TMEM120B: variants seen among roughly 807,000 people sequenced by gnomAD.
The protein encoded by TMEM120B is transmembrane protein 120B.
TMEM120B carries 31 observed loss-of-function variants against 55.5 expected under a neutral mutation model. The observed-to-expected ratio is 0.56, with a 90% CI of 0.42 to 0.75. The LOEUF is 0.75. Among genes scored for constraint, TMEM120B ranks in the 30% least tolerant of loss-of-function variants. The pLI, the probability that TMEM120B is intolerant of heterozygous loss-of-function variation, is 0.00. For missense variants in TMEM120B, 399 were observed against 425.5 expected, an observed-to-expected ratio of 0.94 and a Z score of 0.55; for synonymous variants, 203 against 176.3, an observed-to-expected ratio of 1.15 and a Z score of -1.20.
intron 5 of TMEM120B, among the ~76,000 whole-genome samples, chr12:121,759,678 A>G (rs1283481534): frequency 6.6e-6 from 1 of 151,626 alleles, no homozygotes; most frequent in East Asian, 2.0e-4. Flanking sequence ...ACTCCGTGTC[A>G]AACAAACAAA....
intron 1 of TMEM120B, among the ~76,000 whole-genome samples, chr12:121,718,358 A>G (rs773295477): frequency 3.3e-5 from 5 of 152,046 alleles, no homozygotes; most frequent in Admixed American, 6.6e-5. Flanking sequence ...AAAAAACCTT[A>G]GCTGGGCATT....
chr12:121,759,136 T>TTTC, intron 5 of TMEM120B: 1 of 837,540 alleles, frequency 1.2e-6, no homozygotes, highest in Non-Finnish European at 1.4e-6. Context: ...TTTTTTTTTT[T>TTTC]CTGAGGTGGA....
At position 121,778,179 on chromosome 12, in the gene TMEM120B, A is replaced by C. The variant is rs1190926500; in HGVS notation, c.*2457A>C. 1.3e-5 allele frequency: 2 copies of C among 152,300 alleles called. No homozygotes were observed. The highest frequency in any genetic ancestry group is 2.9e-5 in the Non-Finnish European group (2 of 68,124). 9.4% of individuals were successfully genotyped at this position (152,300 alleles called of 1,614,324 possible). A position where few individuals can be genotyped will look rare whatever the true frequency, so the allele number is the denominator to read the frequency against. ...TTGTTTTAAAAGTCCTGGGCCGGGCACGGTGGCTCACGCCTGTAATCCCAG... is the reference window on the plus strand; with the variant it reads ...TTGTTTTAAAAGTCCTGGGCCGGGCCCGGTGGCTCACGCCTGTAATCCCAG... On this transcript the variant is annotated 3_prime_UTR_variant, in exon 12 of 12. Coordinates refer to ENST00000449592, the MANE Select transcript of TMEM120B (RefSeq NM_001080825.2).
chr12:121,779,518 G>A lies in TMEM120B; in HGVS notation c.*3796G>A, dbSNP rs764888399. The A allele has an allele frequency of 1.6e-5, 26 of 1,612,712 alleles. No individual in the cohort carries two copies. In the Admixed American group the frequency reaches 1.8e-4, roughly 11 times the overall value. On this transcript the variant is annotated 3_prime_UTR_variant, in exon 12 of 12. Transcript: ENST00000449592. ...CTGGGTCAGAGCAGCAGGCAGAGCCGGCGCTTCTTCTGCCGTTGCGCCTTC... is the reference window on the plus strand; with the variant it reads ...CTGGGTCAGAGCAGCAGGCAGAGCCAGCGCTTCTTCTGCCGTTGCGCCTTC...
chr12:121,771,807 T>C (rs532149974), intron 8 of TMEM120B, among the ~76,000 whole-genome samples: 1 of 152,254 alleles, frequency 6.6e-6, no homozygotes, highest in Non-Finnish European at 1.5e-5. Flanking sequence ...TGAGTAGCAT[T>C]GGGGATACCA....
chr12:121,774,583 G>T, intron 9 of TMEM120B, 75 bp from the exon 10 acceptor site: 1 of 1,444,890 alleles, frequency 6.9e-7, no homozygotes, highest in East Asian at 2.3e-5. Context: ...GGTGTGGCTG[G>T]GGGTGGGCGT....
chr12:121,773,284 GGA>G (rs1252032511), intron 8 of TMEM120B, 135 bp from the exon 9 acceptor site: 2 of 675,452 alleles, frequency 3.0e-6, no homozygotes, highest in East Asian at 6.0e-5. Flanking sequence ...TGTGGGCGTG[GGA>G]GAGGGTTGTA....
At chr12:121,761,582 T>G in intron 5 of TMEM120B, 67 bp from the exon 6 acceptor site, 1 of 1,219,836 alleles carries the variant, frequency 8.2e-7, no homozygotes, top group Non-Finnish European at 1.2e-6. Context: ...CTCTGTGAGG[T>G]GAGGGTGGGA....
At chr12:121,756,846 G>A (rs1057397132) in intron 5 of TMEM120B, among the ~76,000 whole-genome samples, 1 of 152,196 alleles carries the variant, frequency 6.6e-6, no homozygotes, top group Non-Finnish European at 1.5e-5. Context: ...GTTCAAATCT[G>A]GCTCTGCCTC....
chr12:121,721,612 C>T (rs943282390), intron 1 of TMEM120B, among the ~76,000 whole-genome samples: 1 of 151,706 alleles, frequency 6.6e-6, no homozygotes, highest in Non-Finnish European at 1.5e-5. Flanking sequence ...GCTGGGATTG[C>T]AGGCAGGCAC....
Position 121,780,917 on chromosome 12 carries a change from C to T in TMEM120B, c.*5195C>T. 1 of 1,613,966 alleles carries T rather than the reference C, an allele frequency of 6.2e-7. No individual in the cohort carries two copies. The highest frequency in any genetic ancestry group is 8.5e-7 in the Non-Finnish European group (1 of 1,179,958). ...CCAGCTGGGCGGCCCGGAGCTTCCGCAGCTGCTCCTTGTCCTTCCTCAGGT... is the reference window on the plus strand; with the variant it reads ...CCAGCTGGGCGGCCCGGAGCTTCCGTAGCTGCTCCTTGTCCTTCCTCAGGT... On this transcript the variant is annotated 3_prime_UTR_variant, in exon 12 of 12. Coordinates refer to ENST00000449592, the MANE Select transcript of TMEM120B (RefSeq NM_001080825.2).
chr12:121,768,602 T>G (rs1873922020), intron 6 of TMEM120B, among the ~76,000 whole-genome samples: 1 of 152,188 alleles, frequency 6.6e-6, no homozygotes, highest in African/African-American at 2.4e-5. Context: ...TTAATGACTG[T>G]TCCCACGAGC....
At chr12:121,756,211 A>G (rs1873470918) in intron 5 of TMEM120B, among the ~76,000 whole-genome samples, 1 of 152,146 alleles carries the variant, frequency 6.6e-6, no homozygotes, top group Non-Finnish European at 1.5e-5. Flanking sequence ...AAGACTCTTG[A>G]GATGGGCCGG....
intron 1 of TMEM120B, among the ~76,000 whole-genome samples, chr12:121,730,858 T>G (rs1894988615): frequency 6.6e-6 from 1 of 151,186 alleles, no homozygotes; most frequent in African/African-American, 2.4e-5. Flanking sequence ...CTCGGGAGGC[T>G]GAGGCAGGAG....
chr12:121,770,786 T>TA (rs1402188665), intron 6 of TMEM120B, 121 bp from the exon 7 acceptor site: 1 of 867,490 alleles, frequency 1.2e-6, no homozygotes, highest in African/African-American at 1.7e-5. Context: ...GTCTGTTTCT[T>TA]ACTCCAAGAA....
chr12:121,758,787 A>G (rs1873569766), intron 5 of TMEM120B: 3 of 978,700 alleles, frequency 3.1e-6, no homozygotes, highest in Middle Eastern at 5.3e-4. Context: ...ATGGAGGAGG[A>G]CGGCCTAGCC....
At chr12:121,766,707 G>T (rs1445455989) in intron 6 of TMEM120B, among the ~76,000 whole-genome samples, 1 of 152,254 alleles carries the variant, frequency 6.6e-6, no homozygotes, top group African/African-American at 2.4e-5. Context: ...CAGACTGAGT[G>T]TGGGGGTGAG....
intron 9 of TMEM120B, 66 bp from the exon 10 acceptor site, chr12:121,774,592 G>A (rs1050681191): frequency 2.5e-5 from 38 of 1,518,278 alleles, no homozygotes; most frequent in East Asian, 1.1e-4. Context: ...GGGGGTGGGC[G>A]TCTGGTGGAG....
chr12:121,724,827 G>A (rs981092145), intron 1 of TMEM120B, among the ~76,000 whole-genome samples: 49 of 150,216 alleles, frequency 3.3e-4, no homozygotes, highest in African/African-American at 1.1e-3. Flanking sequence ...AGCCAGGATG[G>A]TCTCGATCTC....
Sources: allele counts gnomAD v4.1 joint callset (sites outside exome capture counted in the v4.1 genomes callset), GRCh38; gene constraint gnomAD v4.1.1; transcripts MANE v1.5; gene names NCBI Gene and HGNC (gene_info 2026-07-23, HGNC 2026-07-21).